GRPR: variants seen among roughly 807,000 people sequenced by gnomAD.
The protein encoded by GRPR is gastrin releasing peptide receptor.
Under a neutral mutation model 15.6 loss-of-function variants are expected in GRPR, and 4 were observed. That is an observed-to-expected ratio of 0.26 (90% CI 0.13 to 0.59). The LOEUF (loss-of-function observed/expected upper bound fraction) is 0.59. Ranked by LOEUF, GRPR falls within the 20% of genes least tolerant of loss-of-function variation. The probability of loss-of-function intolerance (pLI) is 0.90; values close to 1 mark genes in which losing one functional copy is unlikely to be tolerated. For synonymous variants in GRPR, 128 were observed against 126.8 expected (o/e 1.01, Z -0.06); for missense variants, 270 against 304.1 (o/e 0.89, Z 0.83).
At chrX:16,143,464 A>T (rs1922559142) in intron 1 of GRPR, among the ~76,000 whole-genome samples, 2 of 113,015 alleles carry the variant, frequency 1.8e-5, no homozygotes, top group Middle Eastern at 4.6e-3. Context: ...GGACTGCTGG[A>T]GTAAACAACC....
At chrX:16,129,385 C>T (rs1922344139) in intron 1 of GRPR, among the ~76,000 whole-genome samples, 1 of 111,591 alleles carries the variant, frequency 9.0e-6, no homozygotes, top group Admixed American at 9.5e-5. Flanking sequence ...CTCATCACAC[C>T]AGCCACACAT....
rs1453951283 is a variant in GRPR at position 16,152,631 on chromosome X, G to A, written c.1141G>A (p.Glu381Lys). Residue 381 changes from glutamate to lysine, a missense_variant, in exon 3 of 3, where the codon GAG becomes AAG. Glu to Lys is a moderately conservative substitution (Grantham distance 56). Transcript: ENST00000380289. Reference protein sequence around the residue: ...FSLINGNICHERYV With the variant: ...FSLINGNICHKRYV ...CCTCATCAATGGAAACATCTGTCAC[G>A]AGCGGTATGTCTAGATTGACCCTTG... 8 of 1,209,535 alleles carry A rather than the reference G, an allele frequency of 6.6e-6. No homozygotes were observed. Among genetic ancestry groups the A allele is most frequent in the South Asian group, 1.8e-5 (1 of 56,889 alleles).
At chrX:16,147,146 G>C (rs1186053092) in intron 1 of GRPR, among the ~76,000 whole-genome samples, 1 of 111,371 alleles carries the variant, frequency 9.0e-6, no homozygotes, top group Non-Finnish European at 1.9e-5. Context: ...TTGCACAAGT[G>C]ATATATTAAT....
At position 16,151,545 on chromosome X, in the gene GRPR, C is replaced by G. The variant is rs1288919259; in HGVS notation, c.766-711C>G. On this transcript the variant is annotated intron_variant, in intron 2 of 2. Transcript: ENST00000380289. ...GGAAGAGTGGCAGTTTCTAATGAAA[C>G]TACCTTCCTACTTGAAAAGCCTCTC... Among the ~76,000 whole-genome samples, 7 of 111,561 alleles carry G rather than the reference C, an allele frequency of 6.3e-5. No individual in the cohort carries two copies. The Admixed American group carries it at 6.6e-4, about 11-fold the overall frequency.
rs190570610 is a variant in GRPR, at chrX:16,140,064, C to T, written c.414-10241C>T. On this transcript the variant is annotated intron_variant, in intron 1 of 2. Coordinates refer to ENST00000380289, the MANE Select transcript of GRPR (RefSeq NM_005314.3). ...GGTTCCCAGTCTTCATCCAGTCCCT[C>T]TCTCCCCGTCTTGGACCTCTGCACC... is the stretch of plus-strand genomic sequence containing the variant. 5.8e-3 allele frequency among the ~76,000 whole-genome samples: 649 copies of T among 112,035 alleles called. 2 individuals are homozygous for T. The highest frequency in any genetic ancestry group is 9.6e-3 in the Non-Finnish European group (509 of 53,127).
At chrX:16,142,356 C>T (rs761451073) in intron 1 of GRPR, among the ~76,000 whole-genome samples, 1 of 111,875 alleles carries the variant, frequency 8.9e-6, no homozygotes, top group South Asian at 3.7e-4. Context: ...TTGTATAATA[C>T]CCACCCACAT....
intron 1 of GRPR, among the ~76,000 whole-genome samples, chrX:16,137,441 A>G (rs771861839): frequency 6.3e-5 from 7 of 111,965 alleles, no homozygotes; most frequent in Non-Finnish European, 1.3e-4. Context: ...GGCCTGGTAA[A>G]TTGTTTACTA....
intron 2 of GRPR, among the ~76,000 whole-genome samples, chrX:16,151,899 T>C (rs143699621): frequency 6.4e-4 from 72 of 111,886 alleles, no homozygotes; most frequent in African/African-American, 2.2e-3. Context: ...GGGGCACTTA[T>C]TAGAAGTTCA....
intron 1 of GRPR, among the ~76,000 whole-genome samples, chrX:16,133,858 C>T (rs1448526516): frequency 9.0e-6 from 1 of 111,640 alleles, no homozygotes; most frequent in Non-Finnish European, 1.9e-5. Context: ...TGTATTTCTG[C>T]TGCTTGGAGT....
intron 1 of GRPR, among the ~76,000 whole-genome samples, chrX:16,137,101 C>T (rs967234492): frequency 1.8e-5 from 2 of 111,257 alleles, no homozygotes; most frequent in African/African-American, 6.5e-5. Context: ...CCAGGACAGA[C>T]TTCCTAAGGA....
At chrX:16,134,772 C>T (rs1452809134) in intron 1 of GRPR, among the ~76,000 whole-genome samples, 3 of 111,001 alleles carry the variant, frequency 2.7e-5, no homozygotes, top group Non-Finnish European at 3.8e-5. Context: ...TGCTGCTTGA[C>T]ATTTGGTTAA....
intron 1 of GRPR, among the ~76,000 whole-genome samples, chrX:16,137,583 A>G (rs964658101): frequency 2.7e-5 from 3 of 112,385 alleles, no homozygotes; most frequent in African/African-American, 9.7e-5. Flanking sequence ...ATTGTCAAAA[A>G]GAGGAACTGA....
chrX:16,150,742 T>G (rs1922686184), intron 2 of GRPR, 86 bp downstream of exon 2: 1 of 582,700 alleles, frequency 1.7e-6, no homozygotes, highest in African/African-American at 2.2e-5. Context: ...CCATGACACT[T>G]GAATCTGCAA....
intron 1 of GRPR, among the ~76,000 whole-genome samples, chrX:16,126,613 A>G (rs978185655): frequency 8.9e-6 from 1 of 111,973 alleles, no homozygotes; most frequent in Admixed American, 9.4e-5. Flanking sequence ...ACCCCCATAC[A>G]GAGGCAATCA....
At chrX:16,146,537 A>G (rs771862309) in intron 1 of GRPR, among the ~76,000 whole-genome samples, 3 of 111,543 alleles carry the variant, frequency 2.7e-5, no homozygotes, top group Non-Finnish European at 3.8e-5. Flanking sequence ...ATTACTAACT[A>G]TATTCTCTCT....
chrX:16,151,193 A>G (rs1391493227), intron 2 of GRPR, among the ~76,000 whole-genome samples: 2 of 112,339 alleles, frequency 1.8e-5, no homozygotes, highest in Non-Finnish European at 3.8e-5. Context: ...CCTACATTGT[A>G]AAACTATTGG....
chrX:16,127,448 T>TC (rs1922310890), intron 1 of GRPR, among the ~76,000 whole-genome samples: 2 of 111,235 alleles, frequency 1.8e-5, no homozygotes, highest in African/African-American at 6.6e-5. Flanking sequence ...ATCCCCATCC[T>TC]CCCTCTCCTC....
rs79667838 is a variant in GRPR, at chrX:16,150,432, C to T, written c.541C>T (p.Leu181Phe). The T allele has an allele frequency of 6.1e-4, 739 of 1,205,472 alleles. No individual in the cohort carries two copies. Among genetic ancestry groups the T allele is most frequent in the Non-Finnish European group, 7.8e-4 (691 of 891,579 alleles). Residue 181 changes from leucine (L) to phenylalanine (F), a missense_variant, in exon 2 of 3, where the codon CTC becomes TTC. Around this residue, in one of 3 missense-constraint regions of GRPR, gnomAD observed 22 missense variants for 51.9 expected, o/e 0.42. Coordinates refer to ENST00000380289, the MANE Select transcript of GRPR (RefSeq NM_005314.3). The stretch of plus-strand genomic sequence containing the variant: ...CATTCCAGAGGCCGTGTTTTCTGAC[C>T]TCCATCCCTTCCATGAGGAAAGCAC... ...LAIPEAVFSD[L>F]HPFHEESTNQ...
chrX:16,139,837 C>T (rs1922505412), intron 1 of GRPR, among the ~76,000 whole-genome samples: 1 of 111,956 alleles, frequency 8.9e-6, no homozygotes. Flanking sequence ...AAAAAGATGA[C>T]AATAGTAATA....
Sources: gnomAD v4.1 joint callset for allele counts (sites outside exome capture counted in the v4.1 genomes callset) on GRCh38, gnomAD v4.1.1 for gene constraint, gnomAD v4.1.1 regional missense constraint, MANE v1.5 for transcripts, NCBI Gene and HGNC (gene_info 2026-07-23, HGNC 2026-07-21) for gene names.